USP24: variants seen among roughly 807,000 people sequenced by gnomAD.
The protein encoded by USP24 is ubiquitin specific peptidase 24, also known as ubiquitin carboxyl-terminal hydrolase 24.
USP24 carries 97 observed loss-of-function variants against 361.6 expected under a neutral mutation model. The ratio of observed to expected loss-of-function variants is 0.27; its 90% CI spans 0.23 to 0.32. USP24 has a LOEUF of 0.32. Among genes scored for constraint, USP24 ranks in the 10% least tolerant of loss-of-function variants. The probability of loss-of-function intolerance (pLI) is 1.00; values close to 1 mark genes in which losing one functional copy is unlikely to be tolerated. For missense variants in USP24, 2,353 were observed against 3,165.6 expected (o/e 0.74, Z 6.16); for synonymous variants, 1,098 against 1,124.6 (o/e 0.98, Z 0.47).
rs769403889 is a variant in USP24 at position 55,121,453 on chromosome 1, C to T, written c.4330G>A (p.Gly1444Arg). 1.1e-5 allele frequency: 17 copies of T among 1,613,254 alleles called. No homozygotes were observed. Among genetic ancestry groups the T allele is most frequent in the Non-Finnish European group, 1.4e-5 (16 of 1,179,668 alleles). Residue 1444 changes from glycine to arginine, a missense_variant, in exon 37 of 68, where the codon GGA becomes AGA. Transcript: ENST00000294383. ...VADFIIDILL[G>R]SPSAEIRRVA... Reference sequence around the variant, plus strand: ...ATCCTTACCTCAGCACTTGGTGATCCGAGCAGAATATCAATGATGAAATCA... The same window carrying T: ...ATCCTTACCTCAGCACTTGGTGATCTGAGCAGAATATCAATGATGAAATCA...
chr1:55,165,764 C>T, intron 7 of USP24, 121 bp downstream of exon 7: 4 of 743,948 alleles, frequency 5.4e-6, no homozygotes, highest in Non-Finnish European at 7.8e-6. Flanking sequence ...GAATCTGCTC[C>T]TCTAAAGATG....
chr1:55,154,339 T>A (rs1192747667), intron 14 of USP24, 32 bp downstream of exon 14: 1 of 1,560,230 alleles, frequency 6.4e-7, no homozygotes, highest in South Asian at 1.2e-5. Flanking sequence ...TTTGAGCATT[T>A]GTAGCTAGAA....
At chr1:55,101,744 A>G in intron 42 of USP24, 41 bp from the exon 43 acceptor site, 2 of 1,535,558 alleles carry the variant, frequency 1.3e-6, no homozygotes, top group South Asian at 1.3e-5. Context: ...GAGAAGAATG[A>G]GCATTTCTGC....
chr1:55,076,081 CT>C (rs1261410097), intron 62 of USP24, among the ~76,000 whole-genome samples: 1 of 152,122 alleles, frequency 6.6e-6, no homozygotes, highest in African/African-American at 2.4e-5. Flanking sequence ...ACTTAAAGGT[CT>C]ATTCATTTCC....
chr1:55,214,848 G>C lies in USP24; in HGVS notation c.266C>G (p.Thr89Ser), dbSNP rs1644945992. ...GGGGPSRGGSTGGGGGFDPPP... is the reference protein window; with the variant it reads ...GGGGPSRGGSSGGGGGFDPPP... ...GGGGTCGAAGCCGCCCCCGCCTCCGGTGCTCCCGCCGCGGGAGGGGCCGCC... is the reference window on the plus strand; with the variant it reads ...GGGGTCGAAGCCGCCCCCGCCTCCGCTGCTCCCGCCGCGGGAGGGGCCGCC... Residue 89 changes from threonine to serine, a missense_variant, in exon 1 of 68, where the codon ACC (threonine) becomes AGC (serine). By Grantham distance (58) the Thr-to-Ser change is moderately conservative (BLOSUM62 1). Transcript: ENST00000294383. 1.6e-6 allele frequency: 2 copies of C among 1,223,750 alleles called. No homozygotes were observed. The highest frequency in any genetic ancestry group is 6.7e-5 in the East Asian group (2 of 29,662). 75.8% of individuals were successfully genotyped at this position (1,223,750 alleles called of 1,614,324 possible). A position where few individuals can be genotyped will look rare whatever the true frequency, so the allele number is the denominator to read the frequency against.
intron 38 of USP24, among the ~76,000 whole-genome samples, chr1:55,117,674 T>C (rs1646156764): frequency 7.2e-6 from 1 of 139,320 alleles, no homozygotes; most frequent in African/African-American, 2.7e-5. Context: ...AAGCGGAGCT[T>C]GCAGTGAGCC....
rs1322960753 is a variant in USP24 at position 55,125,411 on chromosome 1, G to C, written c.3869C>G (p.Pro1290Arg). The C allele has an allele frequency of 1.2e-6, 2 of 1,613,944 alleles. No individual in the cohort carries two copies. Among genetic ancestry groups the C allele is most frequent in the Admixed American group, 1.7e-5 (1 of 60,014 alleles). ...TSRQMSLCGT[P>R]EKSSYRQLSV... Reference sequence around the variant, plus strand: ...CAACTGTCGGTAGGATGACTTTTCTGGGGTACCACATAAGGACATCTGTCT... The same window carrying C: ...CAACTGTCGGTAGGATGACTTTTCTCGGGTACCACATAAGGACATCTGTCT... The change falls in exon 34 of 68, where the codon CCA (proline) becomes CGA (arginine). Residue 1290 changes from proline (P) to arginine (R), a missense_variant. Pro to Arg is a moderately radical substitution (Grantham distance 103, BLOSUM62 -2). Coordinates refer to ENST00000294383, the MANE Select transcript of USP24 (RefSeq NM_015306.3).
chr1:55,071,542 G>A (rs1644918763), intron 67 of USP24: 2 of 1,255,994 alleles, frequency 1.6e-6, no homozygotes, highest in African/African-American at 1.5e-5. Flanking sequence ...CCTGTGCCCT[G>A]GCTTCATCGG....
intron 1 of USP24, among the ~76,000 whole-genome samples, chr1:55,197,409 A>T (rs1644448833): frequency 6.6e-6 from 1 of 152,210 alleles, no homozygotes; most frequent in Non-Finnish European, 1.5e-5. Context: ...CATTATCTGT[A>T]ACAGTCCCTA....
At chr1:55,215,357 GGCCTCCTCCCCCTCC>G (rs901591622) in exon 1 of USP24, among the ~76,000 whole-genome samples, 1 of 151,940 alleles carries the variant, frequency 6.6e-6, no homozygotes, top group African/African-American at 2.4e-5. Flanking sequence ...CCGCCATGTT[GGCCTCCTCCCCCTCC>G]GCCTCCTCCT....
intron 1 of USP24, among the ~76,000 whole-genome samples, chr1:55,206,334 G>A (rs1432691162): frequency 6.6e-6 from 1 of 152,196 alleles, no homozygotes; most frequent in African/African-American, 2.4e-5. Flanking sequence ...GGAGAGTGTA[G>A]TGGTGTAAGA....
In USP24 at chr1:55,134,157, A is replaced by G; in HGVS notation, c.3294T>C (p.Thr1098=). 1 of 1,613,512 alleles carries G rather than the reference A, an allele frequency of 6.2e-7. No individual in the cohort carries two copies. Among genetic ancestry groups the G allele is most frequent in the Non-Finnish European group, 8.5e-7 (1 of 1,179,708 alleles). The change falls in exon 30 of 68, where the codon ACT becomes ACC. Residue 1098 remains threonine, a synonymous_variant. Coordinates refer to ENST00000294383, the MANE Select transcript of USP24 (RefSeq NM_015306.3). ...QLANLEEPRI[T]LRVRKLLLLI... is the part of the protein sequence containing the mutation. ...AGAGCAGAAGCTTCCGTACTCGTAGAGTTATCCTGAAGTTTTTCAAATACA... is the reference window on the plus strand; with the variant it reads ...AGAGCAGAAGCTTCCGTACTCGTAGGGTTATCCTGAAGTTTTTCAAATACA...
intron 16 of USP24, chr1:55,152,031 C>T: frequency 1.0e-6 from 1 of 975,630 alleles, no homozygotes; most frequent in Non-Finnish European, 1.2e-6. Flanking sequence ...AAATAATTCA[C>T]CCCCCTGCCT....
intron 1 of USP24, among the ~76,000 whole-genome samples, chr1:55,195,970 A>AG (rs1240779134): frequency 6.6e-6 from 1 of 152,170 alleles, no homozygotes; most frequent in South Asian, 2.1e-4. Flanking sequence ...TTAAGAAAAA[A>AG]GGGGGGACCC....
In USP24 at chr1:55,176,440, A is replaced by C; in HGVS notation, c.494T>G (p.Leu165Arg). The C allele has an allele frequency of 1.9e-6, 3 of 1,567,254 alleles. No homozygotes were observed. The highest frequency in any genetic ancestry group is 2.6e-6 in the Non-Finnish European group (3 of 1,154,204). The change falls in exon 3 of 68, where the codon CTT becomes CGT. Residue 165 changes from leucine to arginine, a missense_variant. Leu to Arg is a moderately radical substitution (Grantham distance 102). Coordinates refer to ENST00000294383, the MANE Select transcript of USP24 (RefSeq NM_015306.3). The part of the protein sequence containing the change: ...LASTYLARLG[L>R]SESDENCRRF... ...TCTACAATTCTCATCAGACTCGGAAAGACCTTAGTAAAATGCATGAAATAA... is the reference window on the plus strand; with the variant it reads ...TCTACAATTCTCATCAGACTCGGAACGACCTTAGTAAAATGCATGAAATAA...
intron 5 of USP24, among the ~76,000 whole-genome samples, chr1:55,170,567 T>C (rs72660594): frequency 0.014 from 2,059 of 152,266 alleles, 32 homozygotes; most frequent in Middle Eastern, 0.048. Context: ...TTCACTTCTG[T>C]CTGTTTCAGT....
chr1:55,207,998 G>A (rs2454213), intron 1 of USP24, among the ~76,000 whole-genome samples: 132,679 of 152,242 alleles, frequency 0.87, 60,347 homozygotes, highest in East Asian at 1. Context: ...CCCTTTAAAA[G>A]ATTCCAAAGA....
intron 36 of USP24, among the ~76,000 whole-genome samples, chr1:55,123,071 T>C (rs934437736): frequency 1.3e-5 from 2 of 152,184 alleles, no homozygotes; most frequent in African/African-American, 4.8e-5. Flanking sequence ...ACAATAAAGA[T>C]GAAAGAGCAA....
intron 32 of USP24, among the ~76,000 whole-genome samples, chr1:55,126,101 C>T (rs1646421019): frequency 1.3e-5 from 2 of 152,230 alleles, no homozygotes; most frequent in South Asian, 4.1e-4. Context: ...AGAGTCTTCA[C>T]AGTAGCCTGT....
Sources: gnomAD v4.1 joint callset for allele counts (sites outside exome capture counted in the v4.1 genomes callset) on GRCh38, gnomAD v4.1.1 for gene constraint, MANE v1.5 for transcripts, NCBI Gene and HGNC (gene_info 2026-07-23, HGNC 2026-07-21) for gene names.